Variants in FMN1 observed in about 807,000 individuals in gnomAD.
The protein encoded by FMN1 is formin 1, also known as formin-1.
Under a neutral mutation model 132.4 loss-of-function variants are expected in FMN1, and 110 were observed. The ratio of observed to expected loss-of-function variants is 0.83; its 90% confidence interval spans 0.71 to 0.97. The LOEUF is 0.97. Among genes scored for constraint, FMN1 ranks in the 50% least tolerant of loss-of-function variants. The probability of loss-of-function intolerance (pLI) is 0.00; values close to 1 mark genes in which losing one functional copy is unlikely to be tolerated. For missense variants in FMN1, 1,792 were observed against 1,705.3 expected (o/e 1.05, Z -0.90); for synonymous variants, 722 against 651.7 (o/e 1.11, Z -1.64).
chr15:33,094,536 T>C (rs1374885435), intron 4 of FMN1, among the ~76,000 whole-genome samples: 3 of 152,140 alleles, frequency 2.0e-5, no homozygotes, highest in African/African-American at 7.2e-5. Context: ...CGTCATCAAA[T>C]GCAACAGCTC....
intron 17 of FMN1, among the ~76,000 whole-genome samples, chr15:32,827,932 G>A (rs1294476121): frequency 3.3e-5 from 5 of 152,052 alleles, no homozygotes; most frequent in African/African-American, 1.2e-4. Flanking sequence ...AACATGAAGT[G>A]AAAGAGGTAT....
At chr15:32,962,686 A>G (rs1315053875) in intron 9 of FMN1, among the ~76,000 whole-genome samples, 4 of 148,988 alleles carry the variant, frequency 2.7e-5, no homozygotes, top group Non-Finnish European at 1.5e-5. Context: ...GGCGAAGGAC[A>G]TGAACAGACA....
chr15:32,961,312 T>A (rs1447696502), intron 9 of FMN1, among the ~76,000 whole-genome samples: 1 of 151,962 alleles, frequency 6.6e-6, no homozygotes, highest in East Asian at 2.0e-4. Flanking sequence ...ATTTGTGTTT[T>A]TAGTAGAGAC....
intron 4 of FMN1, among the ~76,000 whole-genome samples, chr15:33,135,603 C>T (rs1209171207): frequency 1.3e-5 from 2 of 152,132 alleles, no homozygotes; most frequent in East Asian, 1.9e-4. Context: ...AAGGAGGCCT[C>T]GTGCCAGAGG....
chr15:33,025,755 C>G (rs780741241), intron 6 of FMN1, among the ~76,000 whole-genome samples: 1 of 152,082 alleles, frequency 6.6e-6, no homozygotes, highest in Non-Finnish European at 1.5e-5. Context: ...CAGAATGACA[C>G]AGATAAGGCT....
At chr15:32,987,609 T>C (rs953226565) in intron 7 of FMN1, among the ~76,000 whole-genome samples, 1 of 152,298 alleles carries the variant, frequency 6.6e-6, no homozygotes, top group Middle Eastern at 3.4e-3. Context: ...ATGAAGATCA[T>C]TCTTCTCAGT....
intron 15 of FMN1, among the ~76,000 whole-genome samples, chr15:32,897,686 A>T (rs2060192773): frequency 6.6e-6 from 1 of 152,196 alleles, no homozygotes; most frequent in Non-Finnish European, 1.5e-5. Context: ...TTTTGAGTAG[A>T]AAAGCAATAG....
chr15:33,098,286 C>T, intron 4 of FMN1, among the ~76,000 whole-genome samples: 1 of 152,202 alleles, frequency 6.6e-6, no homozygotes, highest in Non-Finnish European at 1.5e-5. Flanking sequence ...GGCATTTCTC[C>T]TCCGGACTGG....
At chr15:32,909,136 G>A (rs888163752) in intron 11 of FMN1, among the ~76,000 whole-genome samples, 3 of 152,164 alleles carry the variant, frequency 2.0e-5, no homozygotes, top group Non-Finnish European at 4.4e-5. Context: ...TCTACTGTGA[G>A]CTAACAAGCG....
intron 5 of FMN1, among the ~76,000 whole-genome samples, chr15:33,080,233 A>G (rs753197277): frequency 1.3e-5 from 2 of 152,246 alleles, no homozygotes; most frequent in Non-Finnish European, 2.9e-5. Flanking sequence ...ATGTAAGCAA[A>G]GACACAACAG....
chr15:33,193,253 C>T (rs1256772892), intron 2 of FMN1, among the ~76,000 whole-genome samples: 1 of 152,110 alleles, frequency 6.6e-6, no homozygotes, highest in African/African-American at 2.4e-5. Flanking sequence ...CAATTCTCAG[C>T]TATACTGTTT....
At chr15:32,911,357 C>T (rs540469443) in intron 10 of FMN1, among the ~76,000 whole-genome samples, 2 of 151,036 alleles carry the variant, frequency 1.3e-5, no homozygotes, top group African/African-American at 2.4e-5. Context: ...TACCTCCCTT[C>T]CCTGACTTTA....
chr15:33,154,067 C>CT lies in FMN1; in HGVS notation c.847dup (p.Arg283LysfsTer15). ...CTGATGCTCCAGCCCGCTCGGCGGCCTCCGAATGCCATCCCCTCCTGCCTC... is the reference window on the plus strand; with the variant it reads ...CTGATGCTCCAGCCCGCTCGGCGGCCTTCCGAATGCCATCCCCTCCTGCCTC... On this transcript the variant is annotated frameshift_variant, in exon 4 of 21. Transcript: ENST00000616417. LOFTEE classifies it high-confidence loss of function. 1 of 1,536,064 alleles carries CT rather than the reference C, an allele frequency of 6.5e-7. No individual in the cohort carries two copies. The highest frequency in any genetic ancestry group is 8.7e-7 in the Non-Finnish European group (1 of 1,146,826).
At chr15:32,775,819 A>G (rs1009576972) in intron 20 of FMN1, among the ~76,000 whole-genome samples, 6 of 152,228 alleles carry the variant, frequency 3.9e-5, no homozygotes, top group Non-Finnish European at 8.8e-5. Flanking sequence ...AAGGATTTGA[A>G]GCATCCAGCA....
At chr15:33,124,621 G>A (rs1485432576) in intron 4 of FMN1, among the ~76,000 whole-genome samples, 1 of 152,094 alleles carries the variant, frequency 6.6e-6, no homozygotes, top group Non-Finnish European at 1.5e-5. Flanking sequence ...TAATCTTCTA[G>A]AATGTATTTG....
intron 5 of FMN1, among the ~76,000 whole-genome samples, chr15:33,073,500 T>A (rs576098118): frequency 2.6e-5 from 4 of 152,254 alleles, no homozygotes; most frequent in Admixed American, 2.6e-4. Flanking sequence ...ATGGGTAGGT[T>A]AATGGGTGAA....
intron 6 of FMN1, among the ~76,000 whole-genome samples, chr15:33,041,077 A>C (rs1260254245): frequency 6.6e-6 from 1 of 152,196 alleles, no homozygotes; most frequent in Non-Finnish European, 1.5e-5. Flanking sequence ...TGACCAAATA[A>C]AACTCATGTC....
chr15:32,836,990 C>G (rs1203398955), intron 17 of FMN1: 1 of 227,778 alleles, frequency 4.4e-6, no homozygotes, highest in South Asian at 8.5e-5. Context: ...TTTACACTGA[C>G]AATTTCATTC....
intron 4 of FMN1, chr15:33,150,473 A>T: frequency 1.0e-6 from 1 of 985,430 alleles, no homozygotes; most frequent in Non-Finnish European, 1.2e-6. Context: ...GATAATGGAG[A>T]TTCCCATGCA....
Sources: allele counts gnomAD v4.1 joint callset (sites outside exome capture counted in the v4.1 genomes callset), GRCh38; gene constraint gnomAD v4.1.1; transcripts MANE v1.5; gene names NCBI Gene and HGNC (gene_info 2026-07-23, HGNC 2026-07-21).